The following ZNF324B variants were observed in gnomAD, a reference collection of about 807,000 sequenced individuals.
ZNF324B encodes the protein zinc finger protein 324B.
In ZNF324B, 7 loss-of-function variants were observed where a neutral mutation model predicts 10.6. The observed-to-expected ratio is 0.66, with a 90% CI of 0.38 to 1.24. The LOEUF (loss-of-function observed/expected upper bound fraction) is 1.24, where lower values mean the gene tolerates loss of function less well. Among genes scored for constraint, ZNF324B ranks in the 50% most tolerant of loss-of-function variants. ZNF324B has a pLI of 0.02. For missense variants in ZNF324B, 640 were observed against 764.7 expected (o/e 0.84, Z 1.92); for synonymous variants, 316 against 321.0 (o/e 0.98, Z 0.17).
chr19:58,433,091 T>G, the ZNF324B span: 1 of 502,132 alleles, frequency 2.0e-6, no homozygotes, highest in African/African-American at 2.1e-5. Flanking sequence ...ACAGGACTGC[T>G]GCAAATTTTT....
rs1470075076 is a variant in ZNF324B at position 58,456,563 on chromosome 19, A to G, written c.1619A>G (p.Lys540Arg). 2.5e-6 allele frequency: 4 copies of G among 1,613,820 alleles called. No individual in the cohort carries two copies. Among genetic ancestry groups the G allele is most frequent in the African/African-American group, 2.7e-5 (2 of 75,044 alleles). ...GGAGGGAAGCCAAGCCCAGTCCTGA[A>G]GCCAGCGAAGGTCTGAGGTCACAGG... Reference protein sequence around the residue: ...RRGGKPSPVLKPAKV With the variant: ...RRGGKPSPVLRPAKV The change falls in exon 4 of 4, where the codon AAG (lysine) becomes AGG (arginine). Residue 540 changes from lysine to arginine, a missense_variant. Lys to Arg is a conservative substitution (Grantham distance 26). This residue lies in a region of ZNF324B where 238 missense variants were observed against 258.0 expected (regional missense o/e 0.92). Transcript: ENST00000336614. This position sits in a 1 kb window ranked among gnomAD's most constrained non-coding sequence, Gnocchi z 4.7.
At chr19:58,446,209 G>T in the ZNF324B span, among the ~76,000 whole-genome samples, 4 of 152,312 alleles carry the variant, frequency 2.6e-5, no homozygotes, top group South Asian at 6.2e-4. Context: ...TGTGTAGAAG[G>T]ATTCCTCCCT....
chr19:58,427,497 T>TTCCTTCCTTCCTTCCTTC, the ZNF324B span, among the ~76,000 whole-genome samples: 1 of 64,296 alleles, frequency 1.6e-5, no homozygotes, highest in African/African-American at 6.7e-5. Flanking sequence ...TTCCTTCCTT[T>TTCCTTCCTTCCTTCCTTC]CTTTCTTTTT....
chr19:58,419,979 A>C, the ZNF324B span, among the ~76,000 whole-genome samples: 1 of 152,298 alleles, frequency 6.6e-6, no homozygotes, highest in Non-Finnish European at 1.5e-5. Flanking sequence ...CACTCAGCTA[A>C]TTAAAGAAAA....
chr19:58,432,706 C>A, the ZNF324B span: 5 of 168,598 alleles, frequency 3.0e-5, no homozygotes, highest in African/African-American at 1.2e-4. Context: ...GAGCAACTAC[C>A]CGCTCTTCTA....
chr19:58,449,465 G>T (rs1732029446), upstream of ZNF324B, among the ~76,000 whole-genome samples: 1 of 152,154 alleles, frequency 6.6e-6, no homozygotes, highest in Non-Finnish European at 1.5e-5. Flanking sequence ...ACAACCAACA[G>T]CTTGGACCAC....
the ZNF324B span, among the ~76,000 whole-genome samples, chr19:58,427,408 TTCC>T: frequency 4.5e-5 from 1 of 22,288 alleles, no homozygotes; most frequent in African/African-American, 2.2e-4. Context: ...CTTTCTTTCC[TTCC>T]TTCCTTCCTT....
the ZNF324B span, chr19:58,439,747 C>G: frequency 1.3e-6 from 2 of 1,523,438 alleles, no homozygotes; most frequent in Non-Finnish European, 1.8e-6. Flanking sequence ...GCCTGGGGCA[C>G]ACTCCACTTA....
chr19:58,425,204 C>T, the ZNF324B span, among the ~76,000 whole-genome samples: 9 of 151,406 alleles, frequency 5.9e-5, no homozygotes, highest in East Asian at 9.9e-4. Flanking sequence ...TGCCGTGAGC[C>T]GAAATTGCGC....
At chr19:58,435,708 C>T in the ZNF324B span, 1 of 157,406 alleles carries the variant, frequency 6.4e-6, no homozygotes, top group Non-Finnish European at 1.4e-5. Context: ...AAGTCTGCTT[C>T]TACAGAGCTA....
chr19:58,452,760 G>C, intron 1 of ZNF324B: 1 of 612,404 alleles, frequency 1.6e-6, no homozygotes, highest in Non-Finnish European at 2.0e-6. Context: ...GAGCAGTCAG[G>C]CGTGCGGAGT....
the ZNF324B span, chr19:58,439,719 G>T: frequency 6.7e-6 from 10 of 1,492,152 alleles, no homozygotes; most frequent in African/African-American, 1.5e-4. Flanking sequence ...CTGAGGGCCG[G>T]AATCCCAGCG....
the ZNF324B span, among the ~76,000 whole-genome samples, chr19:58,425,163 G>C: frequency 6.6e-5 from 10 of 152,146 alleles, no homozygotes; most frequent in Non-Finnish European, 4.4e-5. Context: ...GGCTGAGGCA[G>C]GGGAATTGCT....
chr19:58,445,823 A>AAAACAAAC, the ZNF324B span: 1 of 209,166 alleles, frequency 4.8e-6, no homozygotes, highest in African/African-American at 2.4e-5. Flanking sequence ...TCCCTCACCA[A>AAAACAAAC]AAACAAACAA....
At chr19:58,438,850 A>C in the ZNF324B span, among the ~76,000 whole-genome samples, 1 of 151,752 alleles carries the variant, frequency 6.6e-6, no homozygotes, top group Non-Finnish European at 1.5e-5. Context: ...AGCTCAATGC[A>C]ACCTCCATCT....
the ZNF324B span, among the ~76,000 whole-genome samples, chr19:58,424,968 C>T: frequency 6.6e-6 from 1 of 152,124 alleles, no homozygotes; most frequent in Non-Finnish European, 1.5e-5. Context: ...AAGTTAGAAA[C>T]AATTTGGCCA....
the ZNF324B span, among the ~76,000 whole-genome samples, chr19:58,446,240 C>G: frequency 6.6e-6 from 1 of 152,132 alleles, no homozygotes; most frequent in Non-Finnish European, 1.5e-5. Flanking sequence ...TCCATGATGG[C>G]CCTGCATGTG....
chr19:58,455,547 G>A lies in ZNF324B; in HGVS notation c.603G>A (p.Glu201=), dbSNP rs759090982. 6 of 1,614,126 alleles carry A rather than the reference G, an allele frequency of 3.7e-6. No homozygotes were observed. The East Asian group carries it at 1.3e-4, about 36-fold the overall frequency. ...AGCGGCAGAAGCCATGTGCACAGGA[G>A]GTCCCTGGGAGAGCCTTCGGGAATG... ...TPERQKPCAQ[E]VPGRAFGNAS... The change falls in exon 4 of 4, where the codon GAG becomes GAA. Residue 201 remains glutamate, a synonymous_variant. Transcript: ENST00000336614. The surrounding 1 kb of genome is among the most constrained non-coding windows in gnomAD (Gnocchi z 7.0).
the ZNF324B span, among the ~76,000 whole-genome samples, chr19:58,422,640 A>G: frequency 2.0e-5 from 3 of 152,212 alleles, no homozygotes; most frequent in African/African-American, 7.2e-5. Flanking sequence ...CAAGAAGGCA[A>G]TCCCATTTAT....
Sources: gnomAD v4.1 joint callset for allele counts (sites outside exome capture counted in the v4.1 genomes callset) on GRCh38, gnomAD v4.1.1 for gene constraint, gnomAD v4.1.1 regional missense constraint, Gnocchi (gnomAD v3.1) non-coding constraint, MANE v1.5 for transcripts, NCBI Gene and HGNC (gene_info 2026-07-23, HGNC 2026-07-21) for gene names.